Variants in EFCAB6 observed in about 807,000 individuals in gnomAD.
EFCAB6 encodes the protein EF-hand calcium-binding domain-containing protein 6.
In EFCAB6, 156 loss-of-function variants were observed where a neutral mutation model predicts 169.8. That is an observed-to-expected ratio of 0.92 (90% CI 0.81 to 1.05). The LOEUF is 1.05. Among genes scored for constraint, EFCAB6 ranks in the 50% least tolerant of loss-of-function variants. The probability of loss-of-function intolerance (pLI) is 0.00; values close to 1 mark genes in which losing one functional copy is unlikely to be tolerated. For synonymous variants in EFCAB6, 698 were observed against 676.4 expected, an observed-to-expected ratio of 1.03 and a Z score of -0.50; for missense variants, 1,800 against 1,829.1, an observed-to-expected ratio of 0.98 and a Z score of 0.29.
chr22:43,807,301 C>T (rs1002445558), intron 2 of EFCAB6, among the ~76,000 whole-genome samples: 1 of 152,162 alleles, frequency 6.6e-6, no homozygotes, highest in Non-Finnish European at 1.5e-5. Flanking sequence ...CCATCCTCAG[C>T]TGAGGTTTTC....
At chr22:43,691,623 TAAACAA>T (rs914369080) in intron 10 of EFCAB6, among the ~76,000 whole-genome samples, 57 of 152,196 alleles carry the variant, frequency 3.7e-4, no homozygotes, top group Middle Eastern at 3.4e-3. Flanking sequence ...TTGTATACCA[TAAACAA>T]AAACAAAATT....
chr22:43,790,859 C>T (rs1027126915), intron 2 of EFCAB6, among the ~76,000 whole-genome samples: 7 of 152,112 alleles, frequency 4.6e-5, no homozygotes, highest in Admixed American at 6.5e-5. Flanking sequence ...TGATCAGATT[C>T]CAGCCACATT....
rs779097018 is a variant in EFCAB6 at position 43,598,322 on chromosome 22, A to ACAAAC, written c.2876+1746_2876+1747insGTTTG. 7.3e-4 allele frequency among the ~76,000 whole-genome samples: 95 copies of ACAAAC among 130,322 alleles called. 1 individual carries two copies. The highest frequency in any genetic ancestry group is 3.2e-3 in the East Asian group (12 of 3,708). 85.5% of individuals were successfully genotyped at this position (130,322 alleles called of 152,430 possible). On this transcript the variant is annotated intron_variant, in intron 23 of 31. Coordinates refer to ENST00000262726, the MANE Select transcript of EFCAB6 (RefSeq NM_022785.4). The stretch of plus-strand genomic sequence containing the variant: ...GACACTGTCTCCGGGAAAAAAAAAA[A>ACAAAC]AAAAAAAAAAAAAAAAGGTTGATCT...
In EFCAB6 at chr22:43,580,806, G is replaced by A. The variant is rs1026574261; in HGVS notation, c.3033-147C>T. ...TCCCTTCGCTGTACGTGCAGACATGGCAGTTAGCTCTGCTCTCAGGTAGAC... is the reference window on the plus strand; with the variant it reads ...TCCCTTCGCTGTACGTGCAGACATGACAGTTAGCTCTGCTCTCAGGTAGAC... On this transcript the variant is annotated intron_variant, in intron 24 of 31. Coordinates refer to ENST00000262726, the MANE Select transcript of EFCAB6 (RefSeq NM_022785.4). The A allele has an allele frequency of 1.1e-5, 9 of 791,334 alleles. No individual in the cohort carries two copies. The African/African-American group carries it at 1.6e-4, about 14-fold the overall frequency. The allele number at this position is 791,334 out of a possible 1,614,324, so 49.0% of individuals were successfully genotyped here.
chr22:43,727,381 T>C (rs2059775941), intron 8 of EFCAB6, among the ~76,000 whole-genome samples: 1 of 152,152 alleles, frequency 6.6e-6, no homozygotes, highest in African/African-American at 2.4e-5. Context: ...TGAGCTATGA[T>C]TGCACCACTG....
chr22:43,701,616 T>A (rs2058769039), intron 10 of EFCAB6, among the ~76,000 whole-genome samples: 1 of 135,174 alleles, frequency 7.4e-6, no homozygotes, highest in African/African-American at 2.5e-5. Context: ...ATGGAGGAAA[T>A]AACATATTAT....
chr22:43,757,408 G>A (rs748503905), intron 5 of EFCAB6, among the ~76,000 whole-genome samples: 22 of 152,118 alleles, frequency 1.4e-4, no homozygotes, highest in Non-Finnish European at 1.2e-4. Context: ...TTAGCCGGGC[G>A]TGGTAGGGCA....
intron 2 of EFCAB6, among the ~76,000 whole-genome samples, chr22:43,791,453 G>A (rs2062284580): frequency 6.6e-6 from 1 of 151,954 alleles, no homozygotes; most frequent in Non-Finnish European, 1.5e-5. Flanking sequence ...CAAGAAAGTA[G>A]GTGCAAAAAA....
At chr22:43,617,415 C>T (rs1428529080) in intron 20 of EFCAB6, among the ~76,000 whole-genome samples, 5 of 152,222 alleles carry the variant, frequency 3.3e-5, no homozygotes, top group African/African-American at 1.2e-4. Flanking sequence ...CATATCCAAA[C>T]AGCCCTATGC....
chr22:43,791,530 C>A (rs1023189698), intron 2 of EFCAB6, among the ~76,000 whole-genome samples: 1 of 151,910 alleles, frequency 6.6e-6, no homozygotes, highest in African/African-American at 2.4e-5. Context: ...TGAAGAAGAA[C>A]CAGCAAAGGA....
chr22:43,591,506 TG>T (rs2051555960), intron 23 of EFCAB6, among the ~76,000 whole-genome samples: 1 of 1,288 alleles, frequency 7.8e-4, no homozygotes, highest in Non-Finnish European at 1.6e-3. Context: ...CACCACGTGG[TG>T]TTGAATCAAT....
At chr22:43,605,781 A>G (rs757161599) in intron 22 of EFCAB6, among the ~76,000 whole-genome samples, 1 of 152,230 alleles carries the variant, frequency 6.6e-6, no homozygotes, top group Non-Finnish European at 1.5e-5. Context: ...TGCGTTATGT[A>G]TATTTTGACA....
At chr22:43,685,750 G>T (rs951568223) in intron 11 of EFCAB6, among the ~76,000 whole-genome samples, 4 of 152,136 alleles carry the variant, frequency 2.6e-5, no homozygotes, top group African/African-American at 7.2e-5. Flanking sequence ...ACCCACCATA[G>T]GGATATGCAT....
intron 27 of EFCAB6, among the ~76,000 whole-genome samples, chr22:43,540,752 A>G (rs1161101075): frequency 6.6e-6 from 1 of 151,784 alleles, no homozygotes; most frequent in Admixed American, 6.6e-5. Context: ...CTCATTTCTC[A>G]CCCTTCCAGG....
intron 20 of EFCAB6, among the ~76,000 whole-genome samples, chr22:43,618,970 G>A (rs754171406): frequency 1.3e-5 from 2 of 151,748 alleles, no homozygotes; most frequent in African/African-American, 2.4e-5. Flanking sequence ...TGAGACATGC[G>A]GAGCAGCACA....
rs746364306 is a variant in EFCAB6 at position 43,750,089 on chromosome 22, G to A, written c.507+5677C>T. 5.3e-4 allele frequency among the ~76,000 whole-genome samples: 81 copies of A among 151,842 alleles called. 1 individual carries two copies. Among genetic ancestry groups the A allele is most frequent in the Admixed American group, 2.1e-3 (32 of 15,238 alleles). ...TAAACATTTACCCCTACAATCTTGC[G>A]TTTGCACTATTAATTTGTCACACAC... On this transcript the variant is annotated intron_variant, in intron 6 of 31. Coordinates refer to ENST00000262726, the MANE Select transcript of EFCAB6 (RefSeq NM_022785.4).
At chr22:43,783,548 G>T (rs2061904878) in intron 2 of EFCAB6, among the ~76,000 whole-genome samples, 1 of 152,126 alleles carries the variant, frequency 6.6e-6, no homozygotes, top group Non-Finnish European at 1.5e-5. Context: ...GCAAAAATTG[G>T]GAGATACTGT....
At chr22:43,762,982 G>A (rs1338361757) in intron 5 of EFCAB6, among the ~76,000 whole-genome samples, 1 of 152,196 alleles carries the variant, frequency 6.6e-6, no homozygotes, top group Non-Finnish European at 1.5e-5. Context: ...AGAGAGCACA[G>A]AGAAGTTCCA....
At chr22:43,566,967 G>A (rs771380188) in intron 26 of EFCAB6, among the ~76,000 whole-genome samples, 4 of 152,074 alleles carry the variant, frequency 2.6e-5, no homozygotes, top group African/African-American at 4.8e-5. Context: ...CCTGGGCTCT[G>A]GAAGCACTAA....
Sources: allele counts gnomAD v4.1 joint callset (sites outside exome capture counted in the v4.1 genomes callset), GRCh38; gene constraint gnomAD v4.1.1; transcripts MANE v1.5; gene names NCBI Gene and HGNC (gene_info 2026-07-23, HGNC 2026-07-21).